SOX5: variants seen among roughly 807,000 people sequenced by gnomAD.
SOX5 encodes transcription factor SOX-5.
Under a neutral mutation model 92.0 loss-of-function variants are expected in SOX5, and 9 were observed. The ratio of observed to expected loss-of-function variants is 0.10; its 90% CI spans 0.06 to 0.17. SOX5 has a LOEUF of 0.17. SOX5 is among the 10% of genes least tolerant of loss of function. SOX5 has a pLI of 1.00. For synonymous variants in SOX5, 344 were observed against 336.3 expected, an observed-to-expected ratio of 1.02 and a Z score of -0.25; for missense variants, 642 against 944.5, an observed-to-expected ratio of 0.68 and a Z score of 4.20.
In SOX5 at chr12:24,320,593, C is replaced by T. The variant is rs1289050213; in HGVS notation, c.-173-43281G>A. 2.0e-5 allele frequency among the ~76,000 whole-genome samples: 3 copies of T among 152,184 alleles called. No individual in the cohort carries two copies. In the South Asian group the frequency reaches 6.2e-4, roughly 32 times the overall value. ...ATAAGATCCACTGTGCGTCTGGGCGCGGTGGCTCACGCCTGTAATACCAGC... is the reference window on the plus strand; with the variant it reads ...ATAAGATCCACTGTGCGTCTGGGCGTGGTGGCTCACGCCTGTAATACCAGC... On this transcript the variant is annotated intron_variant, in intron 2 of 4. Coordinates refer to the SOX5 transcript ENST00000446891.
intron 4 of SOX5, among the ~76,000 whole-genome samples, chr12:24,052,999 A>G (rs147072107): frequency 6.6e-6 from 1 of 152,206 alleles, no homozygotes; most frequent in Non-Finnish European, 1.5e-5. Context: ...CTATTGTTAG[A>G]TCATTTTCTG....
chr12:23,783,451 A>G (rs1343488549), intron 3 of SOX5, among the ~76,000 whole-genome samples: 2 of 152,220 alleles, frequency 1.3e-5, no homozygotes, highest in Non-Finnish European at 2.9e-5. Flanking sequence ...AAAGATTTAA[A>G]AGTAGTTTTA....
intron 1 of SOX5, among the ~76,000 whole-genome samples, chr12:24,489,709 A>G (rs1412189664): frequency 6.6e-6 from 1 of 152,136 alleles, no homozygotes; most frequent in Non-Finnish European, 1.5e-5. Context: ...CTATCCCCTT[A>G]ACACATACCC....
chr12:24,392,423 C>A (rs966304527), intron 1 of SOX5, among the ~76,000 whole-genome samples: 4 of 152,138 alleles, frequency 2.6e-5, no homozygotes, highest in Non-Finnish European at 5.9e-5. Context: ...CTCTAGCTTT[C>A]TTGCTGTTCC....
intron 2 of SOX5, among the ~76,000 whole-genome samples, chr12:24,359,945 G>T (rs1234217196): frequency 6.6e-6 from 1 of 152,114 alleles, no homozygotes; most frequent in African/African-American, 2.4e-5. Flanking sequence ...GGGAATAAAG[G>T]TCATAGGGAG....
intron 4 of SOX5, among the ~76,000 whole-genome samples, chr12:24,043,213 A>C (rs556790921): frequency 4.7e-4 from 71 of 152,338 alleles, no homozygotes; most frequent in African/African-American, 1.6e-3. Flanking sequence ...TAAATTAAGC[A>C]AAAGTCTCAT....
At chr12:23,865,897 C>G (rs922904225) in intron 2 of SOX5, among the ~76,000 whole-genome samples, 25 of 152,062 alleles carry the variant, frequency 1.6e-4, no homozygotes, top group Admixed American at 9.8e-4. Context: ...TTGTGGGGCT[C>G]AAGACTTCAG....
chr12:24,049,461 A>G (rs572956016), intron 4 of SOX5, among the ~76,000 whole-genome samples: 45 of 152,296 alleles, frequency 3.0e-4, no homozygotes, highest in Admixed American at 7.2e-4. Context: ...TAAAACAATT[A>G]AGAGAATTCC....
At chr12:24,123,882 C>T (rs1033532510) in intron 4 of SOX5, among the ~76,000 whole-genome samples, 1 of 152,168 alleles carries the variant, frequency 6.6e-6, no homozygotes, top group African/African-American at 2.4e-5. Context: ...AGCTGGCACT[C>T]CCAGCTTGGT....
At chr12:23,588,913 GC>G (rs1289767663) in intron 9 of SOX5, among the ~76,000 whole-genome samples, 3 of 151,866 alleles carry the variant, frequency 2.0e-5, no homozygotes, top group African/African-American at 7.3e-5. Flanking sequence ...TGTTACACCT[GC>G]CTACACTATT....
intron 1 of SOX5, among the ~76,000 whole-genome samples, chr12:24,383,785 G>T (rs529035745): frequency 6.6e-6 from 1 of 152,254 alleles, no homozygotes; most frequent in Non-Finnish European, 1.5e-5. Context: ...GGCTTGGGGA[G>T]TGGTTTCAGG....
chr12:23,750,372 G>T (rs2094143664), intron 4 of SOX5, among the ~76,000 whole-genome samples: 1 of 151,900 alleles, frequency 6.6e-6, no homozygotes, highest in African/African-American at 2.4e-5. Context: ...TTAAAAATGA[G>T]TAGATGAGGA....
chr12:23,817,577 G>A (rs975205907), intron 3 of SOX5, among the ~76,000 whole-genome samples: 1 of 152,136 alleles, frequency 6.6e-6, no homozygotes, highest in Non-Finnish European at 1.5e-5. Context: ...AGTGAATATT[G>A]GAATTGTTTT....
chr12:24,189,927 C>T (rs1956362378), intron 4 of SOX5, among the ~76,000 whole-genome samples: 1 of 152,086 alleles, frequency 6.6e-6, no homozygotes, highest in African/African-American at 2.4e-5. Context: ...GCAGCTCTTA[C>T]AATAGGGGAA....
chr12:24,402,507 T>C (rs11047417), intron 1 of SOX5, among the ~76,000 whole-genome samples: 28,388 of 152,174 alleles, frequency 0.19, 2,744 homozygotes, highest in African/African-American at 0.22. Context: ...AGCTACTCTC[T>C]TGTTTTAAGA....
chr12:24,367,088 T>A (rs1027332896), intron 2 of SOX5, among the ~76,000 whole-genome samples: 1 of 152,160 alleles, frequency 6.6e-6, no homozygotes, highest in South Asian at 2.1e-4. Context: ...CAGATATTAG[T>A]AGGAAATAAT....
chr12:24,061,702 A>G (rs2137279571), intron 4 of SOX5, among the ~76,000 whole-genome samples: 1 of 150,716 alleles, frequency 6.6e-6, no homozygotes, highest in East Asian at 2.0e-4. Context: ...GAATCACTTA[A>G]GGTTTACATG....
At chr12:23,682,564 A>C (rs2139835618) in intron 6 of SOX5, among the ~76,000 whole-genome samples, 1 of 151,936 alleles carries the variant, frequency 6.6e-6, no homozygotes, top group Admixed American at 6.6e-5. Context: ...TAGCAATTCA[A>C]AACCTGTACA....
chr12:23,617,734 G>A (rs551474400), intron 8 of SOX5, among the ~76,000 whole-genome samples: 5 of 152,052 alleles, frequency 3.3e-5, no homozygotes, highest in African/African-American at 7.2e-5. Flanking sequence ...CAAATGCACG[G>A]GGTTTTAAAA....
Sources: gnomAD v4.1 joint callset for allele counts (sites outside exome capture counted in the v4.1 genomes callset) on GRCh38, gnomAD v4.1.1 for gene constraint, MANE v1.5 for transcripts, NCBI Gene and HGNC (gene_info 2026-07-23, HGNC 2026-07-21) for gene names.